Variants in ISLR2 observed in about 807,000 individuals in gnomAD.
The protein encoded by ISLR2 is immunoglobulin superfamily containing leucine rich repeat 2.
A neutral mutation model predicts 25.5 loss-of-function variants in ISLR2; 16 were observed. The ratio of observed to expected loss-of-function variants is 0.63; its 90% CI spans 0.43 to 0.95. The LOEUF (loss-of-function observed/expected upper bound fraction) is 0.95. ISLR2 is among the 40% of genes least tolerant of loss of function. The pLI, the probability that ISLR2 is intolerant of heterozygous loss-of-function variation, is 0.00. For synonymous variants in ISLR2, 508 were observed against 486.6 expected (o/e 1.04, Z -0.58); for missense variants, 883 against 1,030.7 (o/e 0.86, Z 1.96).
upstream of ISLR2, chr15:74,127,593 G>C (rs1284792950): frequency 6.6e-6 from 1 of 152,350 alleles, no homozygotes; most frequent in Non-Finnish European, 1.5e-5. Context: ...CCGCGGGACT[G>C]CAGAGCCGTG....
At chr15:74,104,417 G>A (rs1468645583) in intron 2 of ISLR2, among the ~76,000 whole-genome samples, 2 of 152,252 alleles carry the variant, frequency 1.3e-5, no homozygotes, top group African/African-American at 2.4e-5. Context: ...ACATAAATGT[G>A]GGTGGATAAT....
intron 1 of ISLR2, among the ~76,000 whole-genome samples, chr15:74,100,864 C>T (rs1432277362): frequency 5.9e-5 from 9 of 151,344 alleles, no homozygotes; most frequent in Admixed American, 5.9e-4. Flanking sequence ...TAGATCTTAT[C>T]TTAATTTTTG....
intron 2 of ISLR2, among the ~76,000 whole-genome samples, chr15:74,122,056 C>T (rs536323358): frequency 1.2e-4 from 18 of 152,324 alleles, no homozygotes; most frequent in Middle Eastern, 6.8e-3. Flanking sequence ...TTGCCACTGT[C>T]GAGGCCACAC....
rs1232653814 is a variant in ISLR2 at position 74,134,642 on chromosome 15, C to A, written c.1888C>A (p.Arg630=). 2 of 1,614,000 alleles carry A rather than the reference C, an allele frequency of 1.2e-6. No individual in the cohort carries two copies. The highest frequency in any genetic ancestry group is 1.7e-5 in the Admixed American group (1 of 60,010). ...HPGKPYRLIL[R]PQAPDPMEKR... ...GGGCAAGCCCTACCGTCTGATCCTG[C>A]GGCCTCAGGCCCCTGACCCTATGGA... Residue 630 remains arginine (R), a synonymous_variant, in exon 3 of 3, where the codon CGG becomes AGG. Transcript: ENST00000453268.
At chr15:74,112,624 T>A (rs1219945974) in intron 2 of ISLR2, among the ~76,000 whole-genome samples, 1 of 149,500 alleles carries the variant, frequency 6.7e-6, no homozygotes, top group Non-Finnish European at 1.5e-5. Context: ...ACCTCCCAGG[T>A]TCAAGCAATT....
chr15:74,139,367 T>G (rs1370228397), downstream of ISLR2, among the ~76,000 whole-genome samples: 1 of 152,212 alleles, frequency 6.6e-6, no homozygotes, highest in Non-Finnish European at 1.5e-5. Flanking sequence ...TACCTCTTTT[T>G]AAATGTAATT....
chr15:74,105,935 G>A (rs1257683251), intron 2 of ISLR2, among the ~76,000 whole-genome samples: 4 of 152,114 alleles, frequency 2.6e-5, no homozygotes, highest in South Asian at 2.1e-4. Context: ...AGAGGAGGCC[G>A]TCAGAACAAA....
At chr15:74,115,603 G>A (rs1026975228) in intron 2 of ISLR2, among the ~76,000 whole-genome samples, 1 of 152,094 alleles carries the variant, frequency 6.6e-6, no homozygotes, top group Admixed American at 6.5e-5. Context: ...GCTGAGACAC[G>A]AGAATCACTT....
chr15:74,128,868 A>ACCCCCC, upstream of ISLR2: 1 of 216,328 alleles, frequency 4.6e-6, no homozygotes, highest in Non-Finnish European at 9.0e-6. Flanking sequence ...CCCCGCCCCC[A>ACCCCCC]CCCCCACCTT....
intron 2 of ISLR2, among the ~76,000 whole-genome samples, chr15:74,110,546 G>A (rs2072157258): frequency 2.0e-5 from 3 of 152,048 alleles, no homozygotes; most frequent in South Asian, 4.2e-4. Context: ...GACCAGGCAC[G>A]GTGGCTCACG....
chr15:74,133,492 C>T lies in ISLR2; in HGVS notation c.738C>T (p.Pro246=), dbSNP rs375550303. The change falls in exon 3 of 3, where the codon CCC becomes CCT. Residue 246 remains proline (P), a synonymous_variant. Coordinates refer to ENST00000453268, the MANE Select transcript of ISLR2 (RefSeq NM_020851.3). ...HLSAEPPLEA[P]GTPLRAGLAF... ...GTGCCGAGCCACCGCTTGAAGCACC[C>T]GGCACCCCACTGCGCGCAGGACTGG... 2 of 1,613,586 alleles carry T rather than the reference C, an allele frequency of 1.2e-6. No individual in the cohort carries two copies. The highest frequency in any genetic ancestry group is 1.3e-5 in the African/African-American group (1 of 74,926).
intron 2 of ISLR2, chr15:74,131,906 C>G (rs114494876): frequency 6.6e-6 from 1 of 152,304 alleles, no homozygotes; most frequent in African/African-American, 2.4e-5. Flanking sequence ...TTCCCCAGAT[C>G]CCACATCTCA....
At chr15:74,131,477 G>T (rs1277078991) in intron 2 of ISLR2, among the ~76,000 whole-genome samples, 161 bp downstream of exon 2, 1 of 152,180 alleles carries the variant, frequency 6.6e-6, no homozygotes, top group African/African-American at 2.4e-5. Context: ...GAAGGAGCAG[G>T]TTCCCAAAGA....
chr15:74,133,604 G>A lies in ISLR2; in HGVS notation c.850G>A (p.Glu284Lys). ...GATCCCCGGTGGCACCGTAGTCTTA[G>A]AGCCACCGGTTCTGAGCGGGGAGGA... ...LQIPGGTVVL[E>K]PPVLSGEDDG... The change falls in exon 3 of 3, where the codon GAG becomes AAG. Residue 284 changes from glutamate (E) to lysine (K), a missense_variant. Around this residue, in one of 2 missense-constraint regions of ISLR2, gnomAD observed 612 missense variants for 642.8 expected, o/e 0.95. Transcript: ENST00000453268. 2.5e-6 allele frequency: 4 copies of A among 1,614,082 alleles called. No homozygotes were observed. Among genetic ancestry groups the A allele is most frequent in the Non-Finnish European group, 3.4e-6 (4 of 1,179,990 alleles).
chr15:74,123,123 A>C (rs1173599515), intron 2 of ISLR2, among the ~76,000 whole-genome samples: 1 of 152,086 alleles, frequency 6.6e-6, no homozygotes, highest in South Asian at 2.1e-4. Flanking sequence ...CTATGGAAAG[A>C]GCCTTTGGTA....
chr15:74,113,336 A>G (rs1021563848), intron 2 of ISLR2, among the ~76,000 whole-genome samples: 13 of 152,294 alleles, frequency 8.5e-5, no homozygotes, highest in African/African-American at 3.1e-4. Context: ...TTTTTAGTAG[A>G]GATGGGGTTA....
chr15:74,119,519 C>A (rs1469700436), intron 2 of ISLR2, among the ~76,000 whole-genome samples: 1 of 152,168 alleles, frequency 6.6e-6, no homozygotes, highest in African/African-American at 2.4e-5. Context: ...TATCTGTTAA[C>A]CTGTTAGCCA....
rs201210704 is a variant in ISLR2 at position 74,133,925 on chromosome 15, C to G, written c.1171C>G (p.Gln391Glu). The change falls in exon 3 of 3, where the codon CAG becomes GAG. Residue 391 changes from glutamine to glutamate, a missense_variant. Physicochemically the swap from Gln to Glu is conservative, Grantham distance 29. Around this residue, in one of 2 missense-constraint regions of ISLR2, gnomAD observed 612 missense variants for 642.8 expected, o/e 0.95. Transcript: ENST00000453268. ...TGGCGCCGGGGGAGAACCCGACGGA[C>G]AGGCCCCGACCTCTGAGCGCAAGTC... ...APGAGGEPDG[Q>E]APTSERKSTA... The G allele has an allele frequency of 6.2e-7, 1 of 1,603,654 alleles. No individual in the cohort carries two copies. Among genetic ancestry groups the G allele is most frequent in the African/African-American group, 1.3e-5 (1 of 74,908 alleles).
At chr15:74,111,289 G>A (rs1011870969) in intron 2 of ISLR2, among the ~76,000 whole-genome samples, 2 of 151,172 alleles carry the variant, frequency 1.3e-5, no homozygotes, top group Non-Finnish European at 1.5e-5. Flanking sequence ...TTCTTTTTTC[G>A]TTTGGTTTTT....
Sources: allele counts gnomAD v4.1 joint callset (sites outside exome capture counted in the v4.1 genomes callset), GRCh38; gene constraint gnomAD v4.1.1; regional missense constraint gnomAD v4.1.1; transcripts MANE v1.5; gene names NCBI Gene and HGNC (gene_info 2026-07-23, HGNC 2026-07-21).